MYRIP: variants seen among roughly 807,000 people sequenced by gnomAD.
The protein encoded by MYRIP is rab effector MyRIP.
In MYRIP, 49 loss-of-function variants were observed where a neutral mutation model predicts 98.0. The ratio of observed to expected loss-of-function variants is 0.50; its 90% CI spans 0.40 to 0.63. The LOEUF is 0.63. Among genes scored for constraint, MYRIP ranks in the 30% least tolerant of loss-of-function variants. The pLI is 0.00. For synonymous variants in MYRIP, 404 were observed against 409.5 expected (o/e 0.99, Z 0.16); for missense variants, 1,004 against 1,058.2 (o/e 0.95, Z 0.71).
At chr3:40,082,915 G>C (rs1452509428) in intron 3 of MYRIP, among the ~76,000 whole-genome samples, 1 of 152,158 alleles carries the variant, frequency 6.6e-6, no homozygotes, top group Admixed American at 6.5e-5. Flanking sequence ...GAAAATCAAG[G>C]CTTCTACCCG....
At chr3:40,138,430 G>A (rs1949827441) in intron 3 of MYRIP, among the ~76,000 whole-genome samples, 1 of 151,960 alleles carries the variant, frequency 6.6e-6, no homozygotes, top group Non-Finnish European at 1.5e-5. Context: ...TGTTGTCATT[G>A]GTAAATTTTG....
At chr3:40,006,466 A>G (rs143140967) in intron 2 of MYRIP, among the ~76,000 whole-genome samples, 28 of 152,282 alleles carry the variant, frequency 1.8e-4, no homozygotes, top group Middle Eastern at 3.4e-3. Context: ...GCAATGATGG[A>G]TTCCAGATAT....
Position 39,868,403 on chromosome 3 carries a change from C to T in MYRIP, c.-30-32384C>T, listed in dbSNP as rs530229988. Among the ~76,000 whole-genome samples the T allele has an allele frequency of 2.8e-3, 426 of 152,180 alleles. 3 individuals are homozygous for T. The highest frequency in any genetic ancestry group is 6.8e-3 in the Middle Eastern group (2 of 294). ...GTGGATTTCACTGGGTTTTTCTTTT[C>T]TCCTGCAACACCAATTAAGTGCTTT... is the stretch of plus-strand genomic sequence containing the variant. On this transcript the variant is annotated intron_variant, in intron 1 of 16. Transcript: ENST00000302541.
In MYRIP at chr3:40,195,793, G is replaced by A. The variant is rs573762716; in HGVS notation, c.1665+5330G>A. 6.6e-5 allele frequency among the ~76,000 whole-genome samples: 10 copies of A among 151,882 alleles called. No individual in the cohort carries two copies. The East Asian group carries it at 1.7e-3, about 26-fold the overall frequency. ...CAGGTGATACTAAGAACATGGCAAG[G>A]GTTCCCTATTTTATATTATTTTTAG... On this transcript the variant is annotated intron_variant, in intron 10 of 16. Transcript: ENST00000302541.
intron 1 of MYRIP, among the ~76,000 whole-genome samples, chr3:39,846,932 G>A (rs1941981640): frequency 6.6e-6 from 1 of 152,184 alleles, no homozygotes; most frequent in Non-Finnish European, 1.5e-5. Context: ...TCTGAAGGCA[G>A]TCTGCTGGAG....
chr3:39,822,834 C>A (rs1041289714), intron 1 of MYRIP, among the ~76,000 whole-genome samples: 3 of 150,798 alleles, frequency 2.0e-5, no homozygotes, highest in African/African-American at 2.4e-5. Flanking sequence ...TCCTCCAGTT[C>A]CATTCATGTT....
chr3:40,058,532 C>A (rs1343608334), intron 3 of MYRIP, among the ~76,000 whole-genome samples: 2 of 151,970 alleles, frequency 1.3e-5, no homozygotes, highest in Non-Finnish European at 2.9e-5. Context: ...CTTTAATGTG[C>A]AATTTTTAAA....
At chr3:39,993,890 C>G (rs1001806790) in intron 2 of MYRIP, among the ~76,000 whole-genome samples, 1 of 152,196 alleles carries the variant, frequency 6.6e-6, no homozygotes, top group Non-Finnish European at 1.5e-5. Flanking sequence ...TCTCATTACT[C>G]TCTTTACCAT....
intron 3 of MYRIP, among the ~76,000 whole-genome samples, chr3:40,053,724 C>T (rs1947834065): frequency 6.6e-6 from 1 of 152,176 alleles, no homozygotes; most frequent in South Asian, 2.1e-4. Flanking sequence ...TCTGGGTCCC[C>T]TGCCTTCAAC....
At chr3:40,223,623 T>C (rs570937132) in intron 11 of MYRIP, among the ~76,000 whole-genome samples, 23 of 152,272 alleles carry the variant, frequency 1.5e-4, no homozygotes, top group Middle Eastern at 3.4e-3. Flanking sequence ...GGCCCAGCAA[T>C]AGATAAGAGA....
intron 4 of MYRIP, among the ~76,000 whole-genome samples, chr3:40,158,752 G>A (rs1950305970): frequency 6.7e-6 from 1 of 150,144 alleles, no homozygotes; most frequent in African/African-American, 2.5e-5. Context: ...ATTATGTAAT[G>A]GCCTTCTTTG....
intron 3 of MYRIP, among the ~76,000 whole-genome samples, chr3:40,140,798 A>G (rs1488074600): frequency 1.3e-5 from 2 of 152,074 alleles, no homozygotes; most frequent in African/African-American, 4.8e-5. Context: ...ATAGGTGTAT[A>G]TATTTATGGA....
At chr3:39,975,990 C>A (rs1945740665) in intron 2 of MYRIP, among the ~76,000 whole-genome samples, 1 of 152,142 alleles carries the variant, frequency 6.6e-6, no homozygotes, top group African/African-American at 2.4e-5. Flanking sequence ...TAGGCATGGG[C>A]AAGGACTTCA....
chr3:40,072,001 G>C, intron 3 of MYRIP, among the ~76,000 whole-genome samples: 1 of 152,130 alleles, frequency 6.6e-6, no homozygotes, highest in Non-Finnish European at 1.5e-5. Context: ...TCTCTGGTCA[G>C]AATGGCATGC....
At chr3:39,951,312 C>T (rs1054469586) in intron 2 of MYRIP, among the ~76,000 whole-genome samples, 1 of 151,882 alleles carries the variant, frequency 6.6e-6, no homozygotes, top group African/African-American at 2.4e-5. Context: ...CTACACTGTC[C>T]CAAGATTGTC....
intron 2 of MYRIP, among the ~76,000 whole-genome samples, chr3:39,999,709 A>G (rs1438937798): frequency 1.3e-5 from 2 of 152,340 alleles, no homozygotes; most frequent in Non-Finnish European, 2.9e-5. Flanking sequence ...ACATGCTGCT[A>G]TAAAGACACA....
chr3:40,063,292 A>G (rs1013140919), intron 3 of MYRIP, among the ~76,000 whole-genome samples: 3 of 152,198 alleles, frequency 2.0e-5, no homozygotes, highest in Non-Finnish European at 2.9e-5. Context: ...AGTTGGAAAT[A>G]TTTGTTTATG....
intron 2 of MYRIP, among the ~76,000 whole-genome samples, chr3:40,018,197 C>T (rs953325527): frequency 3.3e-5 from 5 of 152,178 alleles, no homozygotes; most frequent in Admixed American, 1.3e-4. Context: ...TTCATCAGTG[C>T]TTTTGTATTC....
rs377084286 is a variant in MYRIP at position 39,992,826 on chromosome 3, C to A, written c.111-51224C>A. 3.2e-4 allele frequency among the ~76,000 whole-genome samples: 49 copies of A among 152,308 alleles called. No individual in the cohort carries two copies. The South Asian group carries it at 9.5e-3, about 30-fold the overall frequency. ...CTCCAAATTCTTGACCTTAGGCACT[C>A]TAGTCTCTGACCTCCACTTCTCATC... On this transcript the variant is annotated intron_variant, in intron 2 of 16. Coordinates refer to ENST00000302541, the MANE Select transcript of MYRIP (RefSeq NM_015460.4).
Sources: gnomAD v4.1 joint callset for allele counts (sites outside exome capture counted in the v4.1 genomes callset) on GRCh38, gnomAD v4.1.1 for gene constraint, MANE v1.5 for transcripts, NCBI Gene and HGNC (gene_info 2026-07-23, HGNC 2026-07-21) for gene names.